Variants in DPP10 observed in about 807,000 individuals in gnomAD.
The protein encoded by DPP10 is dipeptidyl peptidase like 10.
A neutral mutation model predicts 120.9 loss-of-function variants in DPP10; 33 were observed. The observed-to-expected ratio is 0.27, with a 90% confidence interval of 0.21 to 0.37. DPP10 has a LOEUF of 0.37. DPP10 is among the 10% of genes least tolerant of loss of function. The pLI, the probability that DPP10 is intolerant of heterozygous loss-of-function variation, is 1.00. For missense variants in DPP10, 816 were observed against 942.8 expected (o/e 0.87, Z 1.76); for synonymous variants, 337 against 326.1 (o/e 1.03, Z -0.36).
rs1183407050 is a variant in DPP10 at position 115,499,514 on chromosome 2, A to G, written c.276A>G (p.Thr92=). The change falls in exon 4 of 26, where the codon ACA becomes ACG. Residue 92 remains threonine (T), a synonymous_variant. Coordinates refer to ENST00000410059, the MANE Select transcript of DPP10 (RefSeq NM_020868.6). ...HDPEARWIND[T]DVVYKSENGH... ...TGAATGTCTTTGTTGTTGCAGATAC[A>G]GATGTGGTGTATAAAAGCGAGAATG... 2 of 1,610,232 alleles carry G rather than the reference A, an allele frequency of 1.2e-6. No individual in the cohort carries two copies. The highest frequency in any genetic ancestry group is 2.2e-5 in the East Asian group (1 of 44,718).
intron 19 of DPP10, among the ~76,000 whole-genome samples, chr2:115,799,830 A>G (rs1186740622): frequency 6.6e-6 from 1 of 151,682 alleles, no homozygotes; most frequent in East Asian, 2.0e-4. Flanking sequence ...AATCCAGTCT[A>G]TCGTTGTTGG....
chr2:115,783,723 C>A (rs1433446662), intron 17 of DPP10, among the ~76,000 whole-genome samples: 1 of 151,968 alleles, frequency 6.6e-6, no homozygotes, highest in Non-Finnish European at 1.5e-5. Flanking sequence ...CTAACGGCAA[C>A]AATAATGACC....
intron 1 of DPP10, among the ~76,000 whole-genome samples, chr2:115,174,144 A>G (rs761480853): frequency 6.6e-6 from 1 of 152,184 alleles, no homozygotes; most frequent in Admixed American, 6.5e-5. Context: ...AAGGTTAACT[A>G]TCATGGTTTG....
chr2:114,461,855 A>G (rs1346927301), intron 1 of DPP10: 2 of 985,306 alleles, frequency 2.0e-6, no homozygotes, highest in Non-Finnish European at 2.4e-6. Context: ...TTTAGCTATA[A>G]GAAGAATGGA....
chr2:114,898,471 A>G (rs1208057744), intron 1 of DPP10, among the ~76,000 whole-genome samples: 6 of 152,198 alleles, frequency 3.9e-5, no homozygotes, highest in Non-Finnish European at 7.4e-5. Flanking sequence ...CACATTGTGC[A>G]CATGTACCCT....
chr2:115,270,384 G>T (rs984236684), intron 1 of DPP10, among the ~76,000 whole-genome samples: 1 of 152,030 alleles, frequency 6.6e-6, no homozygotes, highest in Non-Finnish European at 1.5e-5. Flanking sequence ...TGAACCATCA[G>T]ATCAGGAGCA....
At chr2:114,955,212 T>C (rs1425148433) in intron 1 of DPP10, among the ~76,000 whole-genome samples, 1 of 152,204 alleles carries the variant, frequency 6.6e-6, no homozygotes, top group Non-Finnish European at 1.5e-5. Flanking sequence ...TTTTAGACCA[T>C]ATAGGGTAAC....
At chr2:115,657,300 A>G (rs1275920214) in intron 5 of DPP10, among the ~76,000 whole-genome samples, 1 of 151,830 alleles carries the variant, frequency 6.6e-6, no homozygotes, top group African/African-American at 2.4e-5. Flanking sequence ...ACAATGGTGA[A>G]ACTAACTTCC....
chr2:115,044,310 CAGAG>C (rs1185949716), intron 1 of DPP10, among the ~76,000 whole-genome samples: 1 of 151,868 alleles, frequency 6.6e-6, no homozygotes, highest in Non-Finnish European at 1.5e-5. Context: ...GAAGGAGAAA[CAGAG>C]AGAGAAGGGA....
intron 1 of DPP10, among the ~76,000 whole-genome samples, chr2:114,733,806 A>G (rs1396361864): frequency 6.6e-6 from 1 of 152,202 alleles, no homozygotes; most frequent in African/African-American, 2.4e-5. Flanking sequence ...ATCCAGAGAA[A>G]GATCCAGATG....
intron 3 of DPP10, among the ~76,000 whole-genome samples, chr2:115,445,960 C>T (rs1235896144): frequency 6.6e-6 from 1 of 151,926 alleles, no homozygotes; most frequent in Admixed American, 6.6e-5. Context: ...TCCTGCGGCC[C>T]AGCTGCGGGT....
At chr2:114,481,339 G>C (rs752069506) in intron 1 of DPP10, among the ~76,000 whole-genome samples, 6 of 152,008 alleles carry the variant, frequency 3.9e-5, no homozygotes, top group Non-Finnish European at 7.4e-5. Context: ...TTAGCTATTA[G>C]TTAAATGCAA....
chr2:114,869,376 AAC>A (rs1690501908), intron 1 of DPP10, among the ~76,000 whole-genome samples: 1 of 152,126 alleles, frequency 6.6e-6, no homozygotes, highest in African/African-American at 2.4e-5. Flanking sequence ...GGTGAGACAA[AAC>A]ACACTCATAT....
At chr2:115,545,235 C>A (rs1414179688) in intron 5 of DPP10, among the ~76,000 whole-genome samples, 1 of 152,126 alleles carries the variant, frequency 6.6e-6, no homozygotes, top group African/African-American at 2.4e-5. Context: ...TGATCTCTTT[C>A]AAATACTAAT....
intron 1 of DPP10, among the ~76,000 whole-genome samples, chr2:115,141,143 T>C (rs926610152): frequency 2.6e-5 from 4 of 152,186 alleles, no homozygotes; most frequent in African/African-American, 9.7e-5. Context: ...CTAAACATTA[T>C]AGGGGTAGGG....
intron 1 of DPP10, among the ~76,000 whole-genome samples, chr2:115,043,779 A>G (rs1704851680): frequency 6.6e-6 from 1 of 152,212 alleles, no homozygotes; most frequent in South Asian, 2.1e-4. Flanking sequence ...GAGTCTCTGT[A>G]CACATAATAT....
rs55815168 is a variant in DPP10, at chr2:115,099,130, C to CAA, written c.61-210094_61-210093dup. On this transcript the variant is annotated intron_variant, in intron 1 of 25. Transcript: ENST00000410059. ...CAAAACCCCATCTCTGCTAAAAATA[C>CAA]AAAAAAAAAAAAAAAAGAAAAAAAG... Among the ~76,000 whole-genome samples, 350 of 74,764 alleles carry CAA rather than the reference C, an allele frequency of 4.7e-3. 3 individuals carry two copies. Among genetic ancestry groups the CAA allele is most frequent in the African/African-American group, 0.012 (263 of 21,246 alleles). 49.0% of individuals were successfully genotyped at this position (74,764 alleles called of 152,430 possible).
At chr2:114,800,689 G>A (rs1684117628) in intron 1 of DPP10, among the ~76,000 whole-genome samples, 1 of 152,116 alleles carries the variant, frequency 6.6e-6, no homozygotes, top group Admixed American at 6.5e-5. Context: ...ATGTTTAGAG[G>A]TACATATTGC....
At chr2:115,689,969 A>T in intron 7 of DPP10, 48 bp downstream of exon 7, 4 of 1,556,040 alleles carry the variant, frequency 2.6e-6, no homozygotes, top group Non-Finnish European at 3.5e-6. Context: ...TCATGGTTTT[A>T]TGGAAGATGT....
Sources: gnomAD v4.1 joint callset for allele counts (sites outside exome capture counted in the v4.1 genomes callset) on GRCh38, gnomAD v4.1.1 for gene constraint, MANE v1.5 for transcripts, NCBI Gene and HGNC (gene_info 2026-07-23, HGNC 2026-07-21) for gene names.